IRF8: variants seen among roughly 807,000 people sequenced by gnomAD.
IRF8 encodes the protein interferon consensus sequence binding protein 1.
A neutral mutation model predicts 48.7 loss-of-function variants in IRF8; 14 were observed. That is an observed-to-expected ratio of 0.29 (90% confidence interval 0.19 to 0.45). The LOEUF (loss-of-function observed/expected upper bound fraction) is 0.45. Among genes scored for constraint, IRF8 ranks in the 20% least tolerant of loss-of-function variants. The pLI is 1.00. For missense variants in IRF8, 493 were observed against 580.7 expected (o/e 0.85, Z 1.55); for synonymous variants, 278 against 227.3 (o/e 1.22, Z -2.01).
At chr16:85,900,580 C>G (rs1212953259) in intron 1 of IRF8, among the ~76,000 whole-genome samples, 1 of 152,208 alleles carries the variant, frequency 6.6e-6, no homozygotes, top group African/African-American at 2.4e-5. Context: ...TGGCTTTTCT[C>G]TGCACCATGT....
In IRF8 at chr16:85,904,812, CTTTTT is replaced by C. The variant is rs1177860791; in HGVS notation, c.174+1639_174+1643del. Among the ~76,000 whole-genome samples, 105 of 87,632 alleles carry C rather than the reference CTTTTT, an allele frequency of 1.2e-3. 4 individuals carry two copies. The highest frequency in any genetic ancestry group is 1.9e-3 in the Non-Finnish European group (89 of 46,960). 57.5% of individuals were successfully genotyped at this position (87,632 alleles called of 152,430 possible). The stretch of plus-strand genomic sequence containing the variant: ...ATTTCTCTCTTGTTTGATTGCAGAT[CTTTTT>C]TTTTTTTTTTTTTTTGCCTTTGGCA... On this transcript the variant is annotated intron_variant, in intron 2 of 8. Transcript: ENST00000268638.
intron 5 of IRF8, among the ~76,000 whole-genome samples, chr16:85,913,480 T>G (rs570718590): frequency 1.9e-4 from 29 of 151,740 alleles, no homozygotes; most frequent in African/African-American, 6.5e-4. Context: ...GTTCCCTAGG[T>G]GATGTCCATG....
At chr16:85,899,443 G>C (rs993690781) in intron 1 of IRF8, among the ~76,000 whole-genome samples, 4 of 152,248 alleles carry the variant, frequency 2.6e-5, no homozygotes, top group African/African-American at 7.2e-5. Context: ...TGTTTCCAAA[G>C]ATTGGTAGAT....
Position 85,911,659 on chromosome 16 carries a change from GT to G in IRF8, c.447+2del. 1 of 1,613,004 alleles carries G rather than the reference GT, an allele frequency of 6.2e-7. No individual in the cohort carries two copies. Among genetic ancestry groups the G allele is most frequent in the East Asian group, 2.2e-5 (1 of 44,882 alleles). ...TGAAATCGACGAGCTGATCAAGGAG[GT>G]AAGCAGAGGCAGCATTTCAGGGGTC... On this transcript the variant is annotated splice_donor_variant, in intron 4 of 8. Transcript: ENST00000268638. LOFTEE classifies it high-confidence loss of function.
chr16:85,911,930 T>G (rs565474645), intron 4 of IRF8, among the ~76,000 whole-genome samples: 1 of 152,318 alleles, frequency 6.6e-6, no homozygotes, highest in South Asian at 2.1e-4. Flanking sequence ...GTCAGTGAAG[T>G]TCCTTCCAGC....
rs760233630 is a variant in IRF8 at position 85,908,976 on chromosome 16, G to A, written c.175-14G>A. On this transcript the variant is annotated splice_polypyrimidine_tract_variant and intron_variant, in intron 2 of 8. Coordinates refer to ENST00000268638, the MANE Select transcript of IRF8 (RefSeq NM_002163.4). ...TCGGCCATGAATTTAATGTGCTTCT[G>A]TTTCTTTCTTCAGGCCTGGGCAGTT... 2 of 1,612,690 alleles carry A rather than the reference G, an allele frequency of 1.2e-6. No individual in the cohort carries two copies. Among genetic ancestry groups the A allele is most frequent in the Admixed American group, 3.3e-5 (2 of 60,022 alleles).
At position 85,904,359 on chromosome 16, in the gene IRF8, G is replaced by A. The variant is rs1326857354; in HGVS notation, c.174+1170G>A. Among the ~76,000 whole-genome samples, 7 of 152,340 alleles carry A rather than the reference G, an allele frequency of 4.6e-5. No homozygotes were observed. The East Asian group carries it at 1.3e-3, about 29-fold the overall frequency. The stretch of plus-strand genomic sequence containing the variant: ...ACAAGGTGTGGAGGGGGTCAAGGCT[G>A]TAGGAGCCCATGACAGTGCTGGACT... On this transcript the variant is annotated intron_variant, in intron 2 of 8. Transcript: ENST00000268638.
intron 6 of IRF8, among the ~76,000 whole-genome samples, chr16:85,915,705 C>T (rs534197084): frequency 5.9e-4 from 90 of 152,306 alleles, no homozygotes; most frequent in African/African-American, 2.1e-3. Context: ...GCTAAGCCTC[C>T]GGGCTCGCCA....
At position 85,899,745 on chromosome 16, in the gene IRF8, A is replaced by G. The variant is rs150284088; in HGVS notation, c.-2+522A>G. Among the ~76,000 whole-genome samples, 42 of 152,342 alleles carry G rather than the reference A, an allele frequency of 2.8e-4. No individual in the cohort carries two copies. The East Asian group carries it at 7.1e-3, about 26-fold the overall frequency. ...GTCTGGCTTGAGGGCCTTTGCTTCCATCACAGCCCAGTCGTCCTTGGCAAG... is the reference window on the plus strand; with the variant it reads ...GTCTGGCTTGAGGGCCTTTGCTTCCGTCACAGCCCAGTCGTCCTTGGCAAG... On this transcript the variant is annotated intron_variant, in intron 1 of 8. Coordinates refer to ENST00000268638, the MANE Select transcript of IRF8 (RefSeq NM_002163.4).
At position 85,909,184 on chromosome 16, in the gene IRF8, T is replaced by C. The variant is rs762238669; in HGVS notation, c.358+11T>C. On this transcript the variant is annotated intron_variant, in intron 3 of 8. Transcript: ENST00000268638. ...AGGAAGAGCAAAAATGTAACTATCC[T>C]TTATGGGCATGAAACCTTCCAGAAG... 2 of 1,613,154 alleles carry C rather than the reference T, an allele frequency of 1.2e-6. No individual in the cohort carries two copies. Among genetic ancestry groups the C allele is most frequent in the Admixed American group, 3.3e-5 (2 of 59,994 alleles).
chr16:85,920,053 G>T, intron 7 of IRF8, 56 bp from the exon 8 acceptor site: 1 of 1,252,708 alleles, frequency 8.0e-7, no homozygotes, highest in Non-Finnish European at 1.2e-6. Context: ...GCTGCTGCGG[G>T]AGTTGGAGGT....
At position 85,916,325 on chromosome 16, in the gene IRF8, G is replaced by C. The variant is rs574373913; in HGVS notation, c.601+1805G>C. On this transcript the variant is annotated intron_variant, in intron 6 of 8. Transcript: ENST00000268638. ...GGACCGCACGTCAGGCAGGTGGGCT[G>C]CAGGGTCTGTGCTGCGGGTGTCTTT... 2.0e-5 allele frequency among the ~76,000 whole-genome samples: 3 copies of C among 152,360 alleles called. No homozygotes were observed. In the East Asian group the frequency reaches 5.8e-4, roughly 29 times the overall value.
intron 7 of IRF8, among the ~76,000 whole-genome samples, chr16:85,919,898 G>A (rs183128047): frequency 2.3e-4 from 35 of 152,350 alleles, no homozygotes; most frequent in African/African-American, 8.2e-4. Flanking sequence ...GCGTTCAAAC[G>A]AGGCATTAAA....
intron 1 of IRF8, among the ~76,000 whole-genome samples, chr16:85,899,595 T>C (rs1597247378): frequency 1.3e-5 from 2 of 152,292 alleles, no homozygotes; most frequent in Admixed American, 1.3e-4. Context: ...CCACGTGGAA[T>C]AATGCTTGGA....
intron 3 of IRF8, among the ~76,000 whole-genome samples, chr16:85,910,839 A>G (rs761950618): frequency 2.0e-5 from 3 of 152,250 alleles, no homozygotes; most frequent in Non-Finnish European, 4.4e-5. Flanking sequence ...AGCCAGGAGG[A>G]AACAGTGGGT....
At chr16:85,902,783 T>TGGCGGCTGCA in intron 1 of IRF8, 1 of 568,048 alleles carries the variant, frequency 1.8e-6, no homozygotes, top group Non-Finnish European at 3.2e-6. Flanking sequence ...AGGGGGCTGC[T>TGGCGGCTGCA]GGTGGCTGCA....
intron 6 of IRF8, among the ~76,000 whole-genome samples, chr16:85,917,548 T>G (rs1165772079): frequency 6.6e-6 from 1 of 152,256 alleles, no homozygotes; most frequent in Non-Finnish European, 1.5e-5. Context: ...GCACCTGGTA[T>G]AAGTAGGTAA....
chr16:85,920,482 C>A (rs953185875), intron 8 of IRF8, among the ~76,000 whole-genome samples: 1 of 152,098 alleles, frequency 6.6e-6, no homozygotes, highest in African/African-American at 2.4e-5. Context: ...TTGTGATCCT[C>A]CCAGCTTGGC....
intron 7 of IRF8, among the ~76,000 whole-genome samples, chr16:85,919,579 G>C (rs1905464679): frequency 6.6e-6 from 1 of 152,226 alleles, no homozygotes; most frequent in Non-Finnish European, 1.5e-5. Context: ...AGGCAGAGCG[G>C]CACAGAAGTG....
Sources: gnomAD v4.1 joint callset for allele counts (sites outside exome capture counted in the v4.1 genomes callset) on GRCh38, gnomAD v4.1.1 for gene constraint, MANE v1.5 for transcripts, NCBI Gene and HGNC (gene_info 2026-07-23, HGNC 2026-07-21) for gene names.